SAMD4A: variants seen among roughly 807,000 people sequenced by gnomAD.
SAMD4A encodes the protein sterile alpha motif domain containing 4A, also known as protein Smaug homolog 1.
A neutral mutation model predicts 81.3 loss-of-function variants in SAMD4A; 33 were observed. The ratio of observed to expected loss-of-function variants is 0.41; its 90% confidence interval spans 0.31 to 0.54. The LOEUF (loss-of-function observed/expected upper bound fraction) is 0.54. SAMD4A is among the 20% of genes least tolerant of loss of function. The pLI is 0.37. For missense variants in SAMD4A, 854 were observed against 951.1 expected, an observed-to-expected ratio of 0.90 and a Z score of 1.34; for synonymous variants, 389 against 382.1, an observed-to-expected ratio of 1.02 and a Z score of -0.21.
chr14:54,615,601 T>A (rs965839950), intron 2 of SAMD4A, among the ~76,000 whole-genome samples: 4 of 152,224 alleles, frequency 2.6e-5, no homozygotes, highest in Non-Finnish European at 2.9e-5. Flanking sequence ...CATGATTTCT[T>A]AAAAGGGTGT....
rs2039283466 is a variant in SAMD4A at position 54,792,898 on chromosome 14, G to A, written c.*3954G>A. The stretch of plus-strand genomic sequence containing the variant: ...TAATCCTCATGTATTTATGCCTAAT[G>A]TAAGCTGACTTTTAAAAAGCTTTCT... On this transcript the variant is annotated 3_prime_UTR_variant, in exon 13 of 13. Transcript: ENST00000554335. 1 of 152,166 alleles carries A rather than the reference G, an allele frequency of 6.6e-6. No individual in the cohort carries two copies. Among genetic ancestry groups the A allele is most frequent in the Non-Finnish European group, 1.5e-5 (1 of 68,034 alleles). The allele number at this position is 152,166 out of a possible 1,614,324, so 9.4% of individuals were successfully genotyped here.
At chr14:54,736,508 A>T (rs1248782492) in intron 3 of SAMD4A, among the ~76,000 whole-genome samples, 1 of 152,194 alleles carries the variant, frequency 6.6e-6, no homozygotes, top group East Asian at 1.9e-4. Context: ...CCTGGTTGGA[A>T]AGATTAGTCC....
chr14:54,606,219 A>G (rs935045273), intron 2 of SAMD4A, among the ~76,000 whole-genome samples: 888 of 77,612 alleles, frequency 0.011, 4 homozygotes, highest in African/African-American at 0.016. Context: ...GTGTGCGTGC[A>G]CGTGCACGTG....
At chr14:54,695,688 C>T (rs953179934) in intron 2 of SAMD4A, among the ~76,000 whole-genome samples, 1 of 151,346 alleles carries the variant, frequency 6.6e-6, no homozygotes, top group African/African-American at 2.4e-5. Context: ...GGCACGGTGG[C>T]TCACGCCTGT....
At chr14:54,753,683 T>C (rs1272945305) in intron 6 of SAMD4A, among the ~76,000 whole-genome samples, 1 of 149,226 alleles carries the variant, frequency 6.7e-6, no homozygotes, top group Non-Finnish European at 1.5e-5. Flanking sequence ...TTATAGAATA[T>C]ACATATATAA....
chr14:54,791,636 G>A lies in SAMD4A; in HGVS notation c.*2692G>A, dbSNP rs114105039. 1.7e-4 allele frequency: 26 copies of A among 152,034 alleles called. No individual in the cohort carries two copies. The highest frequency in any genetic ancestry group is 6.3e-4 in the African/African-American group (26 of 41,460). The allele number at this position is 152,034 out of a possible 1,614,324, so 9.4% of individuals were successfully genotyped here. On this transcript the variant is annotated 3_prime_UTR_variant, in exon 13 of 13. Coordinates refer to ENST00000554335, the MANE Select transcript of SAMD4A (RefSeq NM_015589.6). ...AGTGTATAGATTTATCTACTTAGTT[G>A]TGTTTTGCTATTAGTGTTTTAATTT... is the stretch of plus-strand genomic sequence containing the variant.
intron 2 of SAMD4A, among the ~76,000 whole-genome samples, chr14:54,639,827 C>CACACAT (rs1555338908): frequency 6.6e-6 from 1 of 150,886 alleles, no homozygotes; most frequent in Admixed American, 6.6e-5. Flanking sequence ...CACACACACA[C>CACACAT]GTACACACCA....
At chr14:54,604,540 A>G (rs1214270380) in intron 2 of SAMD4A, among the ~76,000 whole-genome samples, 4 of 152,212 alleles carry the variant, frequency 2.6e-5, no homozygotes, top group Non-Finnish European at 1.5e-5. Context: ...ATGTCTATGC[A>G]ACGTACAATT....
chr14:54,623,446 T>C (rs2034665187), intron 2 of SAMD4A, among the ~76,000 whole-genome samples: 1 of 117,748 alleles, frequency 8.5e-6, no homozygotes, highest in African/African-American at 3.3e-5. Flanking sequence ...CCAACAACTG[T>C]GATGACCCCT....
chr14:54,675,367 C>CAAAAAA (rs59110762), intron 2 of SAMD4A, among the ~76,000 whole-genome samples: 22 of 75,380 alleles, frequency 2.9e-4, no homozygotes, highest in African/African-American at 7.7e-4. Context: ...ACTCCGTCTC[C>CAAAAAA]AAAAAAAAAA....
At chr14:54,775,989 C>T (rs1018027403) in intron 10 of SAMD4A, among the ~76,000 whole-genome samples, 10 of 142,270 alleles carry the variant, frequency 7.0e-5, no homozygotes, top group African/African-American at 1.6e-4. Context: ...CTCTCCCCCT[C>T]GCTTTGGAGT....
intron 11 of SAMD4A, chr14:54,784,118 G>T (rs1329125632): frequency 7.6e-6 from 4 of 526,418 alleles, no homozygotes; most frequent in Non-Finnish European, 1.4e-5. Context: ...CCAGGGAACA[G>T]CGGTGCAAAG....
intron 2 of SAMD4A, among the ~76,000 whole-genome samples, chr14:54,576,436 A>C (rs925441374): frequency 2.0e-5 from 3 of 152,220 alleles, no homozygotes; most frequent in Non-Finnish European, 2.9e-5. Flanking sequence ...TCCGTTTGAA[A>C]AAGGAAAAAG....
chr14:54,618,797 C>T (rs983602928), intron 2 of SAMD4A, among the ~76,000 whole-genome samples: 4 of 152,064 alleles, frequency 2.6e-5, no homozygotes, highest in Non-Finnish European at 4.4e-5. Context: ...TATTTTTAAG[C>T]TAGCACTTGT....
chr14:54,609,641 C>T (rs988353933), intron 2 of SAMD4A, among the ~76,000 whole-genome samples: 4 of 152,192 alleles, frequency 2.6e-5, no homozygotes, highest in Admixed American at 6.5e-5. Context: ...TTTAACAAGA[C>T]AAGTTTGAAA....
At chr14:54,672,216 C>T (rs1361861474) in intron 2 of SAMD4A, among the ~76,000 whole-genome samples, 2 of 151,754 alleles carry the variant, frequency 1.3e-5, no homozygotes, top group Non-Finnish European at 2.9e-5. Flanking sequence ...TATGCCACCA[C>T]ATCCAGCTGT....
chr14:54,625,987 T>TAC (rs1248940046), intron 2 of SAMD4A, among the ~76,000 whole-genome samples: 1 of 150,732 alleles, frequency 6.6e-6, no homozygotes, highest in Non-Finnish European at 1.5e-5. Flanking sequence ...CTGTGGGACA[T>TAC]ACTTACAGAA....
At chr14:54,616,070 C>T (rs2034483435) in intron 2 of SAMD4A, among the ~76,000 whole-genome samples, 1 of 152,162 alleles carries the variant, frequency 6.6e-6, no homozygotes, top group South Asian at 2.1e-4. Flanking sequence ...TATAAAATCA[C>T]ACACTATTTC....
chr14:54,775,885 T>G (rs562548584), intron 10 of SAMD4A, among the ~76,000 whole-genome samples: 23 of 151,932 alleles, frequency 1.5e-4, no homozygotes, highest in Non-Finnish European at 2.2e-4. Context: ...CTTCTGACCA[T>G]TGTCCCCAGC....
Sources: gnomAD v4.1 joint callset for allele counts (sites outside exome capture counted in the v4.1 genomes callset) on GRCh38, gnomAD v4.1.1 for gene constraint, MANE v1.5 for transcripts, NCBI Gene and HGNC (gene_info 2026-07-23, HGNC 2026-07-21) for gene names.